The following ALK variants were observed in gnomAD, a reference collection of about 807,000 sequenced individuals.
ALK encodes ALK tyrosine kinase receptor.
ALK carries 74 observed loss-of-function variants against 163.1 expected under a neutral mutation model. The observed-to-expected ratio is 0.45, with a 90% confidence interval of 0.38 to 0.55. ALK has a LOEUF of 0.55. Among genes scored for constraint, ALK ranks in the 20% least tolerant of loss-of-function variants. The pLI, the probability that ALK is intolerant of heterozygous loss-of-function variation, is 0.00. For missense variants in ALK, 2,063 were observed against 2,105.3 expected, an observed-to-expected ratio of 0.98 and a Z score of 0.39; for synonymous variants, 960 against 843.2, an observed-to-expected ratio of 1.14 and a Z score of -2.40.
At chr2:29,722,391 A>G (rs116822615) in intron 1 of ALK, among the ~76,000 whole-genome samples, 1 of 152,174 alleles carries the variant, frequency 6.6e-6, no homozygotes, top group African/African-American at 2.4e-5. Context: ...GCATTCATTC[A>G]TTCTCTTTAG....
chr2:29,587,493 G>A (rs1466532503), intron 3 of ALK, among the ~76,000 whole-genome samples: 7 of 152,194 alleles, frequency 4.6e-5, no homozygotes, highest in African/African-American at 9.7e-5. Context: ...CCCCTGAGGT[G>A]AACTAGTTGG....
chr2:29,633,493 C>T (rs1159301904), intron 3 of ALK, among the ~76,000 whole-genome samples: 1 of 151,872 alleles, frequency 6.6e-6, no homozygotes, highest in African/African-American at 2.4e-5. Flanking sequence ...AATCAACAAT[C>T]TATGCTCCCA....
At chr2:29,352,182 C>T (rs542315642) in intron 5 of ALK, among the ~76,000 whole-genome samples, 9 of 152,294 alleles carry the variant, frequency 5.9e-5, no homozygotes, top group African/African-American at 1.4e-4. Flanking sequence ...ACCCTCACTG[C>T]TAAACTGGTG....
At chr2:29,616,022 T>G (rs1675834273) in intron 3 of ALK, among the ~76,000 whole-genome samples, 1 of 152,216 alleles carries the variant, frequency 6.6e-6, no homozygotes, top group South Asian at 2.1e-4. Flanking sequence ...TGATTTCTAC[T>G]CAAAGCCATT....
chr2:29,697,484 C>T (rs73921160), intron 2 of ALK, among the ~76,000 whole-genome samples: 5,372 of 152,246 alleles, frequency 0.035, 326 homozygotes, highest in African/African-American at 0.12. Flanking sequence ...TTTTCTTCCC[C>T]TTCCTTGCTC....
intron 1 of ALK, among the ~76,000 whole-genome samples, chr2:29,855,547 C>T (rs1666117837): frequency 6.6e-6 from 1 of 152,130 alleles, no homozygotes; most frequent in African/African-American, 2.4e-5. Flanking sequence ...AATTGGTCAA[C>T]ATTCAAGGAT....
At chr2:29,474,301 T>G (rs1671447744) in intron 4 of ALK, among the ~76,000 whole-genome samples, 1 of 151,944 alleles carries the variant, frequency 6.6e-6, no homozygotes, top group Admixed American at 6.6e-5. Context: ...GGGAAAGAAG[T>G]CAAATAGTAA....
At chr2:29,841,767 A>C (rs1046858392) in intron 1 of ALK, among the ~76,000 whole-genome samples, 1 of 152,212 alleles carries the variant, frequency 6.6e-6, no homozygotes, top group Non-Finnish European at 1.5e-5. Flanking sequence ...ATCTTCCAAA[A>C]ATACCCATCG....
chr2:29,374,958 C>T (rs185097657), intron 5 of ALK, among the ~76,000 whole-genome samples: 7 of 152,184 alleles, frequency 4.6e-5, no homozygotes, highest in African/African-American at 1.4e-4. Context: ...CACCATTGCA[C>T]GGCTGATTGA....
intron 3 of ALK, among the ~76,000 whole-genome samples, chr2:29,565,021 T>A (rs1428325850): frequency 6.6e-6 from 1 of 152,134 alleles, no homozygotes; most frequent in Non-Finnish European, 1.5e-5. Flanking sequence ...GAACAAAAAA[T>A]AATATCGACA....
chr2:29,526,184 T>C lies in ALK; in HGVS notation c.1154+5731A>G, dbSNP rs530726303. Among the ~76,000 whole-genome samples the C allele has an allele frequency of 1.1e-4, 16 of 152,296 alleles. No individual in the cohort carries two copies. In the East Asian group the frequency reaches 2.9e-3, roughly 28 times the overall value. ...CAGGGGGTTAGGCACTATCAGCACCTGCTCTGCTTGTTGATCTAATTTAAA... is the reference window on the plus strand; with the variant it reads ...CAGGGGGTTAGGCACTATCAGCACCCGCTCTGCTTGTTGATCTAATTTAAA... On this transcript the variant is annotated intron_variant, in intron 4 of 28. Transcript: ENST00000389048.
chr2:29,873,548 C>A (rs1666630161), intron 1 of ALK, among the ~76,000 whole-genome samples: 1 of 152,202 alleles, frequency 6.6e-6, no homozygotes. Context: ...GTATAAGGGA[C>A]AACTAAAATC....
chr2:29,831,704 T>C (rs1341774087), intron 1 of ALK, among the ~76,000 whole-genome samples: 2 of 152,212 alleles, frequency 1.3e-5, no homozygotes. Flanking sequence ...TCACTTAACC[T>C]GTCTAGGCTA....
intron 14 of ALK, 125 bp downstream of exon 14, chr2:29,233,440 C>A: frequency 7.1e-7 from 1 of 1,408,738 alleles, no homozygotes; most frequent in Non-Finnish European, 1.0e-6. Context: ...GCCACTGTAC[C>A]TGGCCCTGCT....
chr2:29,782,362 T>A lies in ALK; in HGVS notation c.668-64665A>T, dbSNP rs138083311. Among the ~76,000 whole-genome samples, 560 of 152,240 alleles carry A rather than the reference T, an allele frequency of 3.7e-3. 5 individuals are homozygous for A. Among genetic ancestry groups the A allele is most frequent in the African/African-American group, 0.013 (520 of 41,536 alleles). ...TCATGGGACTCCATCCAACTTGCTGTCTATGGTCCCCAAGCTGGTCAGCCC... is the reference window on the plus strand; with the variant it reads ...TCATGGGACTCCATCCAACTTGCTGACTATGGTCCCCAAGCTGGTCAGCCC... On this transcript the variant is annotated intron_variant, in intron 1 of 28. Transcript: ENST00000389048.
intron 5 of ALK, among the ~76,000 whole-genome samples, chr2:29,368,220 C>T (rs182198929): frequency 3.8e-4 from 58 of 152,324 alleles, no homozygotes; most frequent in Non-Finnish European, 2.2e-4. Context: ...GAACACTGGG[C>T]TGCTCCTCAT....
chr2:29,604,992 A>G (rs917650433), intron 3 of ALK, among the ~76,000 whole-genome samples: 1 of 152,236 alleles, frequency 6.6e-6, no homozygotes, highest in Non-Finnish European at 1.5e-5. Context: ...ATTTAATGAC[A>G]GTGGGGGCCA....
chr2:29,905,218 T>G (rs904576642), intron 1 of ALK, among the ~76,000 whole-genome samples: 1 of 152,224 alleles, frequency 6.6e-6, no homozygotes, highest in African/African-American at 2.4e-5. Context: ...TTTTTCACAT[T>G]TTCTGTTTTC....
At chr2:29,404,631 CAACA>C (rs1292247192) in intron 4 of ALK, among the ~76,000 whole-genome samples, 2 of 152,134 alleles carry the variant, frequency 1.3e-5, no homozygotes, top group Non-Finnish European at 2.9e-5. Context: ...TCATTGAATT[CAACA>C]AACATTTATT....
Sources: gnomAD v4.1 joint callset for allele counts (sites outside exome capture counted in the v4.1 genomes callset) on GRCh38, gnomAD v4.1.1 for gene constraint, MANE v1.5 for transcripts, NCBI Gene and HGNC (gene_info 2026-07-23, HGNC 2026-07-21) for gene names.